Variants in NELL2 observed in about 807,000 individuals in gnomAD.
The protein encoded by NELL2 is neural EGFL like 2.
NELL2 carries 41 observed loss-of-function variants against 109.6 expected under a neutral mutation model. The observed-to-expected ratio is 0.37, with a 90% CI of 0.29 to 0.49. NELL2 has a LOEUF of 0.49. Ranked by LOEUF, NELL2 falls within the 20% of genes least tolerant of loss-of-function variation. The probability of loss-of-function intolerance (pLI) is 0.98; values close to 1 mark genes in which losing one functional copy is unlikely to be tolerated. For missense variants in NELL2, 900 were observed against 1,008.3 expected, an observed-to-expected ratio of 0.89 and a Z score of 1.45; for synonymous variants, 355 against 344.7, an observed-to-expected ratio of 1.03 and a Z score of -0.33.
intron 12 of NELL2, among the ~76,000 whole-genome samples, chr12:44,669,914 A>G (rs1948079259): frequency 1.3e-5 from 2 of 152,232 alleles, no homozygotes; most frequent in Non-Finnish European, 2.9e-5. Context: ...ATTCCCAGAT[A>G]GCTGTAATTC....
chr12:44,781,737 G>A (rs896803636), intron 3 of NELL2, among the ~76,000 whole-genome samples: 3 of 151,786 alleles, frequency 2.0e-5, no homozygotes, highest in African/African-American at 7.3e-5. Flanking sequence ...ATAAAGAAGT[G>A]GTAAAATATT....
chr12:44,814,740 A>C (rs1489297141), intron 3 of NELL2, among the ~76,000 whole-genome samples: 2 of 152,204 alleles, frequency 1.3e-5, no homozygotes, highest in African/African-American at 4.8e-5. Context: ...CAAGCGAGAT[A>C]GTATGTCCCT....
At chr12:44,758,059 C>T (rs1321986027) in intron 9 of NELL2, among the ~76,000 whole-genome samples, 1 of 151,638 alleles carries the variant, frequency 6.6e-6, no homozygotes, top group African/African-American at 2.4e-5. Flanking sequence ...CACACACACA[C>T]ACACTCCCCC....
At chr12:44,568,476 A>T (rs1291149777) in intron 15 of NELL2, among the ~76,000 whole-genome samples, 1 of 152,176 alleles carries the variant, frequency 6.6e-6, no homozygotes, top group African/African-American at 2.4e-5. Context: ...AATTTGACTC[A>T]TCTAGAGATG....
upstream of NELL2, among the ~76,000 whole-genome samples, chr12:44,918,608 T>C (rs1384078399): frequency 6.6e-6 from 1 of 151,418 alleles, no homozygotes; most frequent in Non-Finnish European, 1.5e-5. Flanking sequence ...ACCTTAATTT[T>C]CCTCTTTCCA....
chr12:44,893,162 G>A (rs558582305), intron 1 of NELL2, among the ~76,000 whole-genome samples: 6 of 152,240 alleles, frequency 3.9e-5, no homozygotes, highest in African/African-American at 1.2e-4. Flanking sequence ...AGCCCCTAGA[G>A]AAGGATCCTC....
chr12:44,520,600 A>AT (rs1443233553), intron 18 of NELL2, among the ~76,000 whole-genome samples: 6 of 152,016 alleles, frequency 3.9e-5, no homozygotes, highest in Non-Finnish European at 5.9e-5. Context: ...TTCTTTTGCT[A>AT]TTTTTTCTAA....
At chr12:44,719,819 G>A (rs1162081283) in intron 9 of NELL2, among the ~76,000 whole-genome samples, 4 of 151,952 alleles carry the variant, frequency 2.6e-5, no homozygotes, top group Admixed American at 6.6e-5. Flanking sequence ...TTTTGTTAGT[G>A]ATATACAAAT....
At chr12:44,752,394 T>C (rs1387781489) in intron 9 of NELL2, among the ~76,000 whole-genome samples, 1 of 152,118 alleles carries the variant, frequency 6.6e-6, no homozygotes, top group Non-Finnish European at 1.5e-5. Flanking sequence ...ATGACTGACA[T>C]ACAGTATCTC....
At chr12:44,620,047 T>C (rs770520927) in intron 13 of NELL2, among the ~76,000 whole-genome samples, 3 of 151,762 alleles carry the variant, frequency 2.0e-5, no homozygotes, top group Non-Finnish European at 4.4e-5. Flanking sequence ...ACTGGGAAGG[T>C]GGTGATGAGA....
intron 12 of NELL2, among the ~76,000 whole-genome samples, chr12:44,672,732 C>T (rs531543506): frequency 4.3e-4 from 65 of 152,256 alleles, no homozygotes; most frequent in African/African-American, 1.5e-3. Context: ...TATTTACAGC[C>T]ACAATGGTGG....
At chr12:44,734,723 C>T (rs1939548904) in intron 9 of NELL2, among the ~76,000 whole-genome samples, 1 of 151,796 alleles carries the variant, frequency 6.6e-6, no homozygotes, top group African/African-American at 2.4e-5. Context: ...TATTTATTCT[C>T]CCTACTATAA....
At chr12:44,645,514 G>T (rs1379889791) in intron 13 of NELL2, among the ~76,000 whole-genome samples, 2 of 152,154 alleles carry the variant, frequency 1.3e-5, no homozygotes, top group Non-Finnish European at 2.9e-5. Flanking sequence ...AGTGTCCATG[G>T]TGTTAGCAAA....
At chr12:44,776,936 T>C (rs1941778190) in intron 7 of NELL2, 106 bp downstream of exon 7, 2 of 907,514 alleles carry the variant, frequency 2.2e-6, no homozygotes, top group Admixed American at 1.9e-5. Flanking sequence ...GCAAACAGTA[T>C]AGTATAAGAA....
upstream of NELL2, chr12:44,876,587 T>C: frequency 6.5e-7 from 1 of 1,534,828 alleles, no homozygotes; most frequent in Non-Finnish European, 8.8e-7. Flanking sequence ...GCTAAGTTGA[T>C]GGGCGGTCTT....
At chr12:44,627,496 G>T (rs557856526) in intron 13 of NELL2, among the ~76,000 whole-genome samples, 2 of 151,630 alleles carry the variant, frequency 1.3e-5, no homozygotes, top group Non-Finnish European at 2.9e-5. Context: ...AGAGTGGTCC[G>T]CTGTACAACG....
At chr12:44,788,048 A>T (rs1217239716) in intron 3 of NELL2, among the ~76,000 whole-genome samples, 1 of 152,210 alleles carries the variant, frequency 6.6e-6, no homozygotes, top group Non-Finnish European at 1.5e-5. Context: ...AATATTTACA[A>T]ATCAAATATC....
At chr12:44,762,095 G>GA (rs542503486) in intron 9 of NELL2, among the ~76,000 whole-genome samples, 6 of 151,298 alleles carry the variant, frequency 4.0e-5, no homozygotes, top group African/African-American at 9.7e-5. Flanking sequence ...CAAACATAAT[G>GA]AAAAAAAAAT....
rs148726594 is a variant in NELL2 at position 44,568,745 on chromosome 12, T to C, written c.1664-36024A>G. Among the ~76,000 whole-genome samples, 148 of 152,160 alleles carry C rather than the reference T, an allele frequency of 9.7e-4. 5 individuals are homozygous for C. In the East Asian group the frequency reaches 0.028, roughly 29 times the overall value. ...TATATGTGTACATACATATTTTATA[T>C]ATATATACATTACACATATACATTA... On this transcript the variant is annotated intron_variant, in intron 15 of 19. Coordinates refer to ENST00000429094, the MANE Select transcript of NELL2 (RefSeq NM_001145108.2).
Sources: allele counts gnomAD v4.1 joint callset (sites outside exome capture counted in the v4.1 genomes callset), GRCh38; gene constraint gnomAD v4.1.1; transcripts MANE v1.5; gene names NCBI Gene and HGNC (gene_info 2026-07-23, HGNC 2026-07-21).